Variants in ZBBX observed in about 807,000 individuals in gnomAD.
The protein encoded by ZBBX is zinc finger B-box domain-containing protein 1.
ZBBX carries 101 observed loss-of-function variants against 108.5 expected under a neutral mutation model. The observed-to-expected ratio is 0.93, with a 90% CI of 0.79 to 1.10. ZBBX has a LOEUF of 1.10. ZBBX is among the 50% of genes least tolerant of loss of function. The pLI is 0.00. For synonymous variants in ZBBX, 356 were observed against 323.4 expected, an observed-to-expected ratio of 1.10 and a Z score of -1.08; for missense variants, 1,009 against 941.4, an observed-to-expected ratio of 1.07 and a Z score of -0.94.
At chr3:167,370,374 T>C (rs1251738953) in intron 4 of ZBBX, among the ~76,000 whole-genome samples, 2 of 152,096 alleles carry the variant, frequency 1.3e-5, no homozygotes, top group South Asian at 2.1e-4. Flanking sequence ...AGGAGGACAA[T>C]GGTGTCTTTT....
chr3:167,393,421 T>C (rs1394961952), intron 1 of ZBBX, among the ~76,000 whole-genome samples: 1 of 151,922 alleles, frequency 6.6e-6, no homozygotes, highest in Non-Finnish European at 1.5e-5. Context: ...CTACTTATTT[T>C]ATTCATTTTT....
intron 9 of ZBBX, among the ~76,000 whole-genome samples, chr3:167,344,676 C>T (rs1741133006): frequency 6.6e-6 from 1 of 151,556 alleles, no homozygotes; most frequent in Non-Finnish European, 1.5e-5. Flanking sequence ...AAGTACAGTT[C>T]AGGTAGATAA....
intron 21 of ZBBX, 121 bp downstream of exon 21, chr3:167,242,384 A>C (rs1720829424): frequency 5.0e-6 from 4 of 805,468 alleles, no homozygotes; most frequent in Non-Finnish European, 7.3e-6. Flanking sequence ...TCTATAAAGA[A>C]TGATCATATA....
rs183054008 is a variant in ZBBX at position 167,363,361 on chromosome 3, G to C, written c.273+2525C>G. ...TCATCCCATTTCCCTTAATTCACCT[G>C]AGCAGACGATATTGTCTTCAACTGT... is the stretch of plus-strand genomic sequence containing the variant. On this transcript the variant is annotated intron_variant, in intron 6 of 21. Coordinates refer to ENST00000675490, the MANE Select transcript of ZBBX (RefSeq NM_001199201.2). Among the ~76,000 whole-genome samples the C allele has an allele frequency of 9.0e-4, 137 of 152,066 alleles. 2 individuals carry two copies. In the East Asian group the frequency reaches 0.014, roughly 15 times the overall value.
chr3:167,186,586 C>A, the ZBBX span, among the ~76,000 whole-genome samples: 1 of 152,154 alleles, frequency 6.6e-6, no homozygotes, highest in Non-Finnish European at 1.5e-5. Context: ...AAGGTACCTG[C>A]AACTACATTG....
At chr3:167,362,059 G>A (rs955125924) in intron 6 of ZBBX, among the ~76,000 whole-genome samples, 3 of 152,016 alleles carry the variant, frequency 2.0e-5, no homozygotes, top group Non-Finnish European at 1.5e-5. Context: ...TTTCCTCATA[G>A]GTCTGATTTT....
chr3:167,193,570 T>C, the ZBBX span, among the ~76,000 whole-genome samples: 1 of 152,066 alleles, frequency 6.6e-6, no homozygotes, highest in African/African-American at 2.4e-5. Context: ...TGGCAATGCA[T>C]GTTTGTTTTT....
At chr3:167,201,723 G>A in the ZBBX span, among the ~76,000 whole-genome samples, 1 of 152,096 alleles carries the variant, frequency 6.6e-6, no homozygotes, top group Admixed American at 6.6e-5. Context: ...GCAGATTGCT[G>A]CTTGTTGTGT....
the ZBBX span, among the ~76,000 whole-genome samples, chr3:167,217,474 T>C: frequency 6.6e-6 from 1 of 152,286 alleles, no homozygotes; most frequent in East Asian, 1.9e-4. Context: ...TAACAGATGC[T>C]GGTAAGGTTA....
upstream of ZBBX, among the ~76,000 whole-genome samples, chr3:167,383,156 G>T (rs1343829519): frequency 6.6e-6 from 1 of 152,014 alleles, no homozygotes; most frequent in African/African-American, 2.4e-5. Context: ...TATCATATCT[G>T]CAGCTTTCCA....
intron 19 of ZBBX, among the ~76,000 whole-genome samples, chr3:167,283,420 AATTAT>A (rs1437984519): frequency 3.9e-5 from 6 of 152,166 alleles, no homozygotes; most frequent in African/African-American, 9.7e-5. Context: ...TAGTAAACAT[AATTAT>A]ATTATAAGAT....
At position 167,284,384 on chromosome 3, in the gene ZBBX, C is replaced by T. The variant is rs180841377; in HGVS notation, c.1997-1889G>A. Among the ~76,000 whole-genome samples, 845 of 151,964 alleles carry T rather than the reference C, an allele frequency of 5.6e-3. 3 individuals carry two copies. Among genetic ancestry groups the T allele is most frequent in the Non-Finnish European group, 8.5e-3 (579 of 67,950 alleles). ...CAAGTCAGAGAGTGTAACAATAATT[C>T]GCAATATAAATCAAAAGTTCTACTC... On this transcript the variant is annotated intron_variant, in intron 19 of 21. Transcript: ENST00000675490.
intron 16 of ZBBX, among the ~76,000 whole-genome samples, chr3:167,310,327 C>T (rs1734364556): frequency 6.6e-6 from 1 of 152,204 alleles, no homozygotes; most frequent in Non-Finnish European, 1.5e-5. Context: ...GCCCTCCAAA[C>T]TGTTCTAACC....
chr3:167,323,640 T>G (rs997275010), intron 11 of ZBBX, among the ~76,000 whole-genome samples: 1 of 152,142 alleles, frequency 6.6e-6, no homozygotes, highest in Admixed American at 6.6e-5. Flanking sequence ...ATTTGCTCCC[T>G]TCTTTCATGG....
At chr3:167,226,497 A>C in the ZBBX span, among the ~76,000 whole-genome samples, 1 of 151,770 alleles carries the variant, frequency 6.6e-6, no homozygotes, top group Admixed American at 6.6e-5. Flanking sequence ...GAACATTGTT[A>C]CCACTGTGAA....
chr3:167,253,340 T>A (rs1722941156), intron 20 of ZBBX, among the ~76,000 whole-genome samples: 2 of 151,394 alleles, frequency 1.3e-5, no homozygotes, highest in Non-Finnish European at 1.5e-5. Flanking sequence ...GGGAGAAAAG[T>A]AGGTGAAAAG....
chr3:167,221,589 C>G, the ZBBX span, among the ~76,000 whole-genome samples: 3 of 151,840 alleles, frequency 2.0e-5, no homozygotes, highest in Non-Finnish European at 4.4e-5. Context: ...TTTGAAAACT[C>G]TCTAGGACAT....
At chr3:167,291,348 C>A (rs578083849) in intron 18 of ZBBX, among the ~76,000 whole-genome samples, 1 of 152,172 alleles carries the variant, frequency 6.6e-6, no homozygotes, top group South Asian at 2.1e-4. Context: ...ATCAGACTAA[C>A]AGCAGATCTC....
chr3:167,383,888 A>C (rs755546749), upstream of ZBBX, among the ~76,000 whole-genome samples: 4 of 152,112 alleles, frequency 2.6e-5, no homozygotes, highest in Non-Finnish European at 5.9e-5. Context: ...TATGTAATGT[A>C]TTAAGTACTA....
Sources: gnomAD v4.1 joint callset for allele counts (sites outside exome capture counted in the v4.1 genomes callset) on GRCh38, gnomAD v4.1.1 for gene constraint, MANE v1.5 for transcripts, NCBI Gene and HGNC (gene_info 2026-07-23, HGNC 2026-07-21) for gene names.